The following NUDT4 variants were observed in gnomAD, a reference collection of about 807,000 sequenced individuals.
NUDT4 encodes the protein diphosphoinositol polyphosphate phosphohydrolase 2.
In NUDT4, 5 loss-of-function variants were observed where a neutral mutation model predicts 23.1. The observed-to-expected ratio is 0.22, with a 90% CI of 0.11 to 0.46. The LOEUF is 0.46. Ranked by LOEUF, NUDT4 falls within the 20% of genes least tolerant of loss-of-function variation. The pLI, the probability that NUDT4 is intolerant of heterozygous loss-of-function variation, is 0.99. For missense variants in NUDT4, 96 were observed against 211.6 expected (o/e 0.45, Z 3.39); for synonymous variants, 50 against 79.0 (o/e 0.63, Z 1.95).
intron 3 of NUDT4, among the ~76,000 whole-genome samples, chr12:93,395,869 C>T (rs756621370): frequency 9.2e-5 from 14 of 152,230 alleles, no homozygotes; most frequent in South Asian, 2.1e-4. Context: ...TACAGGCACG[C>T]GCCACCACGC....
chr12:93,395,162 T>G (rs983227864), intron 2 of NUDT4, among the ~76,000 whole-genome samples: 8 of 152,194 alleles, frequency 5.3e-5, no homozygotes, highest in Non-Finnish European at 1.0e-4. Context: ...ATTTTTGTAT[T>G]TTTAGTAGGG....
chr12:93,387,547 T>A (rs992288447), intron 1 of NUDT4, among the ~76,000 whole-genome samples: 6 of 152,158 alleles, frequency 3.9e-5, no homozygotes, highest in Non-Finnish European at 8.8e-5. Flanking sequence ...GGTGTGGCGG[T>A]TCTTAGGAAA....
At chr12:93,378,844 T>TA (rs1262793699) in intron 1 of NUDT4, 3 of 956,062 alleles carry the variant, frequency 3.1e-6, no homozygotes, top group African/African-American at 3.5e-5. Context: ...CCTTCCATGT[T>TA]ACAGCCGTTT....
chr12:93,385,835 C>T (rs1457888789), intron 1 of NUDT4, among the ~76,000 whole-genome samples: 2 of 149,502 alleles, frequency 1.3e-5, no homozygotes, highest in Admixed American at 1.3e-4. Context: ...CAGCAAATGG[C>T]GCCCCCAAAA....
Position 93,394,545 on chromosome 12 carries a change from G to A in NUDT4, c.100-64G>A, listed in dbSNP as rs202236241. The A allele has an allele frequency of 2.0e-5, 18 of 894,484 alleles. No individual in the cohort carries two copies. In the East Asian group the frequency reaches 4.5e-4, roughly 22 times the overall value. 55.4% of individuals were successfully genotyped at this position (894,484 alleles called of 1,614,324 possible). A position where few individuals can be genotyped will look rare whatever the true frequency, so the allele number is the denominator to read the frequency against. On this transcript the variant is annotated intron_variant, in intron 1 of 4. Transcript: ENST00000415493. Reference sequence around the variant, plus strand: ...GAGTTATAACCTTGCAGAGGTTTGAGAATGTTGTTTATATACGAAGTGCTT... The same window carrying A: ...GAGTTATAACCTTGCAGAGGTTTGAAAATGTTGTTTATATACGAAGTGCTT...
intron 3 of NUDT4, among the ~76,000 whole-genome samples, chr12:93,398,255 A>C (rs964112779): frequency 2.0e-5 from 3 of 148,318 alleles, no homozygotes; most frequent in Admixed American, 6.9e-5. Context: ...CAGGAGAATC[A>C]CTTGAACCTG....
At chr12:93,388,689 A>G (rs1313528285) in intron 1 of NUDT4, among the ~76,000 whole-genome samples, 2 of 152,164 alleles carry the variant, frequency 1.3e-5, no homozygotes, top group Non-Finnish European at 2.9e-5. Flanking sequence ...AAGCATTTTA[A>G]AGTGGTAAGG....
chr12:93,378,488 C>A (rs1449220559), intron 1 of NUDT4, 67 bp downstream of exon 1: 2 of 1,410,434 alleles, frequency 1.4e-6, no homozygotes, highest in East Asian at 2.8e-5. Flanking sequence ...TGCTTCCCCT[C>A]GCTCCCCGCC....
At chr12:93,386,050 A>T (rs963915530) in intron 1 of NUDT4, among the ~76,000 whole-genome samples, 2 of 149,406 alleles carry the variant, frequency 1.3e-5, no homozygotes, top group African/African-American at 4.9e-5. Context: ...ATCATGGCTC[A>T]CTGCAGCCTT....
At chr12:93,386,216 G>A (rs527907965) in intron 1 of NUDT4, among the ~76,000 whole-genome samples, 42 of 151,926 alleles carry the variant, frequency 2.8e-4, no homozygotes, top group South Asian at 1.2e-3. Flanking sequence ...GACTCAGTCC[G>A]CCTGCCTTGG....
rs892041419 is a variant in NUDT4, at chr12:93,405,783, T to G, written c.*6404T>G. On this transcript the variant is annotated 3_prime_UTR_variant, in exon 5 of 5. Coordinates refer to ENST00000415493, the MANE Select transcript of NUDT4 (RefSeq NM_019094.6). ...ATGTTATTTAAAGTATAAACCCTCA[T>G]ATAATTCCCTAAGATGGGTGGCATG... 2 of 152,114 alleles carry G rather than the reference T, an allele frequency of 1.3e-5. No individual in the cohort carries two copies. Among genetic ancestry groups the G allele is most frequent in the Non-Finnish European group, 2.9e-5 (2 of 68,026 alleles). The allele number at this position is 152,114 out of a possible 1,614,324, so 9.4% of individuals were successfully genotyped here. A position where few individuals can be genotyped will look rare whatever the true frequency, so the allele number is the denominator to read the frequency against.
chr12:93,386,040 A>C (rs1164124083), intron 1 of NUDT4, among the ~76,000 whole-genome samples: 1 of 149,854 alleles, frequency 6.7e-6, no homozygotes, highest in Non-Finnish European at 1.5e-5. Flanking sequence ...CAGTGGCACA[A>C]TCATGGCTCA....
At chr12:93,396,782 G>A (rs998085267) in intron 3 of NUDT4, among the ~76,000 whole-genome samples, 1 of 152,128 alleles carries the variant, frequency 6.6e-6, no homozygotes, top group Admixed American at 6.5e-5. Context: ...GCATGGTGAC[G>A]CACGCCTGTA....
intron 3 of NUDT4, among the ~76,000 whole-genome samples, chr12:93,397,268 A>G (rs1200203577): frequency 6.7e-6 from 1 of 150,200 alleles, no homozygotes; most frequent in Non-Finnish European, 1.5e-5. Flanking sequence ...ATTCTTAAAA[A>G]TAATGAATGA....
intron 1 of NUDT4, among the ~76,000 whole-genome samples, chr12:93,382,600 G>C (rs1242368172): frequency 1.3e-5 from 2 of 151,172 alleles, no homozygotes. Context: ...TAGTTCTTCA[G>C]AGTTAAGTCC....
chr12:93,396,812 C>T (rs1010368981), intron 3 of NUDT4, among the ~76,000 whole-genome samples: 1 of 152,156 alleles, frequency 6.6e-6, no homozygotes, highest in Non-Finnish European at 1.5e-5. Flanking sequence ...ACTTGGGAGG[C>T]TGAGGCAGAA....
chr12:93,399,331 G>A lies in NUDT4; in HGVS notation c.495G>A (p.Leu165=), dbSNP rs1359733185. The A allele has an allele frequency of 2.0e-6, 2 of 995,394 alleles. No individual in the cohort carries two copies. The highest frequency in any genetic ancestry group is 3.5e-5 in the African/African-American group (2 of 57,646). The allele number at this position is 995,394 out of a possible 1,614,324, so 61.7% of individuals were successfully genotyped here. A position where few individuals can be genotyped will look rare whatever the true frequency, so the allele number is the denominator to read the frequency against. ...CTTCCCTTCCGGATAATAATGCCTTGTTTGTAACCGCTGCACAGACCTCTG... is the reference window on the plus strand; with the variant it reads ...CTTCCCTTCCGGATAATAATGCCTTATTTGTAACCGCTGCACAGACCTCTG... The part of the protein sequence containing the change: ...TVPSLPDNNA[L]FVTAAQTSGL... Residue 165 remains leucine (L), a synonymous_variant, in exon 5 of 5, where the codon TTG becomes TTA. Coordinates refer to ENST00000415493, the MANE Select transcript of NUDT4 (RefSeq NM_019094.6).
chr12:93,387,158 C>G lies in NUDT4; in HGVS notation c.100-7451C>G, dbSNP rs550890585. Among the ~76,000 whole-genome samples the G allele has an allele frequency of 3.9e-5, 6 of 152,232 alleles. No homozygotes were observed. In the South Asian group the frequency reaches 1.2e-3, roughly 32 times the overall value. The stretch of plus-strand genomic sequence containing the variant: ...TGTTGGCCAGGCTGGTCTTGAACTC[C>G]TGACCTCAAGTGATCCTCCTGCCTC... On this transcript the variant is annotated intron_variant, in intron 1 of 4. Coordinates refer to ENST00000415493, the MANE Select transcript of NUDT4 (RefSeq NM_019094.6).
chr12:93,398,338 CAAAAAAAAA>C (rs34651915), intron 3 of NUDT4, among the ~76,000 whole-genome samples: 2 of 75,312 alleles, frequency 2.7e-5, no homozygotes, highest in African/African-American at 1.2e-4. Flanking sequence ...CTCCCTGTCT[CAAAAAAAAA>C]AAAAAAAAAA....
Sources: gnomAD v4.1 joint callset for allele counts (sites outside exome capture counted in the v4.1 genomes callset) on GRCh38, gnomAD v4.1.1 for gene constraint, MANE v1.5 for transcripts, NCBI Gene and HGNC (gene_info 2026-07-23, HGNC 2026-07-21) for gene names.